The following PRMT3 variants were observed in gnomAD, a reference collection of about 807,000 sequenced individuals.
PRMT3 encodes the protein protein arginine N-methyltransferase 3.
In PRMT3, 62 loss-of-function variants were observed where a neutral mutation model predicts 71.9. That is an observed-to-expected ratio of 0.86 (90% CI 0.70 to 1.07). The LOEUF is 1.07. Among genes scored for constraint, PRMT3 ranks in the 50% least tolerant of loss-of-function variants. The pLI is 0.00. For missense variants in PRMT3, 663 were observed against 643.0 expected, an observed-to-expected ratio of 1.03 and a Z score of -0.34; for synonymous variants, 213 against 220.4, an observed-to-expected ratio of 0.97 and a Z score of 0.30.
intron 13 of PRMT3, among the ~76,000 whole-genome samples, chr11:20,474,077 A>G (rs1198050393): frequency 2.0e-5 from 3 of 152,152 alleles, no homozygotes; most frequent in Admixed American, 6.5e-5. Flanking sequence ...CCATCCCTGC[A>G]GGGTACTGAC....
chr11:20,484,795 A>G (rs768275074), intron 13 of PRMT3, among the ~76,000 whole-genome samples: 3 of 152,362 alleles, frequency 2.0e-5, no homozygotes, highest in Non-Finnish European at 2.9e-5. Flanking sequence ...GGTAAGCCAC[A>G]TAAAATGGAG....
chr11:20,430,026 C>T (rs1849622773), intron 10 of PRMT3, among the ~76,000 whole-genome samples: 2 of 152,288 alleles, frequency 1.3e-5, no homozygotes, highest in South Asian at 2.1e-4. Context: ...AAACTTTATC[C>T]TCCATGTTTC....
At chr11:20,454,645 C>T (rs1316125059) in intron 11 of PRMT3, among the ~76,000 whole-genome samples, 1 of 151,962 alleles carries the variant, frequency 6.6e-6, no homozygotes, top group Non-Finnish European at 1.5e-5. Context: ...ATGCGTATCA[C>T]CAGTCATTTA....
intron 8 of PRMT3, chr11:20,406,590 A>G (rs1849076004): frequency 6.6e-6 from 1 of 152,194 alleles, no homozygotes; most frequent in Non-Finnish European, 1.5e-5. Context: ...GCTGTTGTGA[A>G]TATTGCTGCT....
At chr11:20,412,572 GTTTTGT>G (rs956847739) in intron 9 of PRMT3, among the ~76,000 whole-genome samples, 5 of 151,602 alleles carry the variant, frequency 3.3e-5, no homozygotes, top group African/African-American at 1.2e-4. Flanking sequence ...CACCTTTTTT[GTTTTGT>G]TTTTGTTTTT....
At chr11:20,409,433 G>A (rs1849144761) in intron 9 of PRMT3, among the ~76,000 whole-genome samples, 1 of 152,128 alleles carries the variant, frequency 6.6e-6, no homozygotes, top group African/African-American at 2.4e-5. Flanking sequence ...TTGGCCTGTT[G>A]CCCAGCACAT....
At chr11:20,419,739 C>A (rs1849385236) in intron 9 of PRMT3, among the ~76,000 whole-genome samples, 1 of 152,122 alleles carries the variant, frequency 6.6e-6, no homozygotes, top group African/African-American at 2.4e-5. Flanking sequence ...TTTGTACTTA[C>A]ACTATCATTT....
At chr11:20,429,501 T>A (rs1273741048) in intron 10 of PRMT3, among the ~76,000 whole-genome samples, 2 of 152,178 alleles carry the variant, frequency 1.3e-5, no homozygotes, top group Admixed American at 6.5e-5. Context: ...AGGTAAGACC[T>A]CTCTCTTCAT....
intron 9 of PRMT3, among the ~76,000 whole-genome samples, chr11:20,419,142 C>T (rs1849372100): frequency 6.6e-6 from 1 of 152,182 alleles, no homozygotes. Context: ...TTATCTTACA[C>T]CTATAGTATG....
chr11:20,407,335 T>C (rs1338853106), intron 8 of PRMT3: 1 of 152,256 alleles, frequency 6.6e-6, no homozygotes, highest in East Asian at 1.9e-4. Flanking sequence ...GTATTTCAAG[T>C]TGAGGTACTA....
rs1458263689 is a variant in PRMT3 at position 20,494,131 on chromosome 11, T to C, written c.1399-36T>C. 3.9e-6 allele frequency: 6 copies of C among 1,542,334 alleles called. No individual in the cohort carries two copies. In the African/African-American group the frequency reaches 5.5e-5, roughly 14 times the overall value. On this transcript the variant is annotated intron_variant, in intron 14 of 15. Transcript: ENST00000331079. ...ATGTACCATGATATTAAAAATCTTG[T>C]ACTTCATCAAATACCTTTGAACTTT...
At chr11:20,492,086 A>G (rs1363797739) in intron 13 of PRMT3, among the ~76,000 whole-genome samples, 1 of 152,214 alleles carries the variant, frequency 6.6e-6, no homozygotes, top group East Asian at 1.9e-4. Flanking sequence ...TGAGTTATAC[A>G]TATGCCTTGC....
intron 10 of PRMT3, among the ~76,000 whole-genome samples, chr11:20,434,801 G>A (rs1354061467): frequency 6.6e-6 from 1 of 152,198 alleles, no homozygotes; most frequent in African/African-American, 2.4e-5. Context: ...GGTATAGTTT[G>A]AAGTTGGGAA....
intron 9 of PRMT3, among the ~76,000 whole-genome samples, chr11:20,424,518 T>C (rs999764011): frequency 1.3e-5 from 2 of 152,198 alleles, no homozygotes; most frequent in African/African-American, 4.8e-5. Context: ...TCAGTAGTTA[T>C]TGATATGGGG....
intron 10 of PRMT3, among the ~76,000 whole-genome samples, chr11:20,437,234 T>A (rs141070948): frequency 1.3e-5 from 2 of 152,298 alleles, no homozygotes; most frequent in Non-Finnish European, 2.9e-5. Context: ...CTTATTGATC[T>A]TTTGTATTTT....
At chr11:20,430,636 T>A (rs558413991) in intron 10 of PRMT3, among the ~76,000 whole-genome samples, 1 of 152,292 alleles carries the variant, frequency 6.6e-6, no homozygotes, top group South Asian at 2.1e-4. Flanking sequence ...TACAACATGA[T>A]GTTTTGATTT....
At chr11:20,497,230 A>G (rs1288018052) in intron 15 of PRMT3, among the ~76,000 whole-genome samples, 4 of 152,168 alleles carry the variant, frequency 2.6e-5, no homozygotes, top group Non-Finnish European at 5.9e-5. Flanking sequence ...AATCCTAACT[A>G]TTCTTTACCC....
At chr11:20,485,262 C>G (rs1041471530) in intron 13 of PRMT3, among the ~76,000 whole-genome samples, 10 of 152,118 alleles carry the variant, frequency 6.6e-5, no homozygotes, top group Non-Finnish European at 1.5e-5. Flanking sequence ...AAGATTATTA[C>G]AGGTTTCAAA....
At chr11:20,441,261 C>CTTTT (rs1247185224) in intron 10 of PRMT3, among the ~76,000 whole-genome samples, 19 of 141,046 alleles carry the variant, frequency 1.3e-4, no homozygotes, top group South Asian at 4.6e-4. Flanking sequence ...ATGTTACTAA[C>CTTTT]TTTTTATTTA....
Sources: gnomAD v4.1 joint callset for allele counts (sites outside exome capture counted in the v4.1 genomes callset) on GRCh38, gnomAD v4.1.1 for gene constraint, MANE v1.5 for transcripts, NCBI Gene and HGNC (gene_info 2026-07-23, HGNC 2026-07-21) for gene names.